Variants in DRC10 observed in about 807,000 individuals in gnomAD.
DRC10 encodes IQ domain-containing protein D.
chr12:113,216,071 T>G, the DRC10 span, among the ~76,000 whole-genome samples: 1 of 152,240 alleles, frequency 6.6e-6, no homozygotes, highest in South Asian at 2.1e-4. Context: ...ACAAAAAGCT[T>G]ATGGATATTT....
the DRC10 span, among the ~76,000 whole-genome samples, chr12:113,196,662 A>G: frequency 6.6e-6 from 1 of 152,178 alleles, no homozygotes; most frequent in African/African-American, 2.4e-5. Flanking sequence ...TCTGAAGAGC[A>G]CACCTGGCTT....
the DRC10 span, among the ~76,000 whole-genome samples, chr12:113,203,337 C>T: frequency 1.3e-5 from 2 of 151,480 alleles, no homozygotes; most frequent in African/African-American, 4.8e-5. Context: ...CCCTTCTTAA[C>T]AATTCTTCTA....
At chr12:113,220,320 A>G in the DRC10 span, among the ~76,000 whole-genome samples, 382 of 152,296 alleles carry the variant, frequency 2.5e-3, 2 homozygotes, top group Non-Finnish European at 2.6e-3. Flanking sequence ...CAATGGCGCT[A>G]TCTTGGCTTA....
the DRC10 span, among the ~76,000 whole-genome samples, chr12:113,211,663 G>T: frequency 1.3e-5 from 2 of 151,928 alleles, no homozygotes; most frequent in Non-Finnish European, 2.9e-5. Context: ...CAAACCAGAA[G>T]CCCCTTTGGG....
the DRC10 span, among the ~76,000 whole-genome samples, chr12:113,217,637 T>C: frequency 6.6e-6 from 1 of 152,192 alleles, no homozygotes; most frequent in Admixed American, 6.5e-5. Context: ...GTTCAAGCAA[T>C]TCTCGTGCCT....
At chr12:113,200,358 C>T in the DRC10 span, 1 of 685,518 alleles carries the variant, frequency 1.5e-6, no homozygotes, top group East Asian at 2.8e-5. Context: ...GTCCCCTGTC[C>T]CCAGGCCTGT....
the DRC10 span, among the ~76,000 whole-genome samples, chr12:113,202,379 C>T: frequency 6.6e-6 from 1 of 151,982 alleles, no homozygotes; most frequent in African/African-American, 2.4e-5. Flanking sequence ...AACCCAGCAC[C>T]AGGGAGGGGG....
chr12:113,217,864 T>C, the DRC10 span, among the ~76,000 whole-genome samples: 3 of 152,198 alleles, frequency 2.0e-5, no homozygotes, highest in African/African-American at 7.2e-5. Context: ...GGATAGTTCA[T>C]ATAAATGGGA....
At chr12:113,211,042 G>A in the DRC10 span, among the ~76,000 whole-genome samples, 1 of 152,122 alleles carries the variant, frequency 6.6e-6, no homozygotes, top group Admixed American at 6.6e-5. Context: ...CATTTGGAGG[G>A]GAGGACAATG....
At chr12:113,200,559 C>A in the DRC10 span, 2 of 1,370,748 alleles carry the variant, frequency 1.5e-6, no homozygotes, top group Admixed American at 2.0e-5. Flanking sequence ...CTCGGCCCAT[C>A]CTCGCTGCTT....
At chr12:113,203,991 A>C in the DRC10 span, among the ~76,000 whole-genome samples, 1 of 152,118 alleles carries the variant, frequency 6.6e-6, no homozygotes, top group South Asian at 2.1e-4. Flanking sequence ...CTGTAGTCAC[A>C]GCTACTTGGG....
the DRC10 span, among the ~76,000 whole-genome samples, chr12:113,196,664 A>G: frequency 6.6e-6 from 1 of 152,166 alleles, no homozygotes; most frequent in Non-Finnish European, 1.5e-5. Context: ...TGAAGAGCAC[A>G]CCTGGCTTTG....
At chr12:113,216,956 T>C in the DRC10 span, among the ~76,000 whole-genome samples, 2 of 151,992 alleles carry the variant, frequency 1.3e-5, no homozygotes, top group Non-Finnish European at 2.9e-5. Flanking sequence ...GCGCATGGTG[T>C]TGGGCACCTG....
the DRC10 span, among the ~76,000 whole-genome samples, chr12:113,217,003 C>T: frequency 3.2e-4 from 49 of 152,090 alleles, no homozygotes; most frequent in African/African-American, 1.1e-3. Flanking sequence ...GCAGGAGAAT[C>T]GCTTGAACCC....
At chr12:113,195,955 GC>G in the DRC10 span, 5 of 1,529,316 alleles carry the variant, frequency 3.3e-6, no homozygotes, top group Non-Finnish European at 4.4e-6. Context: ...CCTCCCTGAG[GC>G]CCCCTTACCC....
At chr12:113,216,183 A>T in the DRC10 span, among the ~76,000 whole-genome samples, 1 of 152,216 alleles carries the variant, frequency 6.6e-6, no homozygotes, top group Non-Finnish European at 1.5e-5. Flanking sequence ...GGAATACAGG[A>T]TTATTCAGTG....
chr12:113,213,952 C>A, the DRC10 span, among the ~76,000 whole-genome samples: 5 of 151,494 alleles, frequency 3.3e-5, no homozygotes, highest in African/African-American at 7.3e-5. Context: ...TCAAAAAAAA[C>A]AAAAACAAAA....
the DRC10 span, among the ~76,000 whole-genome samples, chr12:113,205,351 G>A: frequency 3.3e-5 from 5 of 151,680 alleles, no homozygotes; most frequent in Non-Finnish European, 5.9e-5. Flanking sequence ...TGGCCAACAC[G>A]GTGAAACCCC....
the DRC10 span, among the ~76,000 whole-genome samples, chr12:113,198,518 A>C: frequency 6.6e-6 from 1 of 152,248 alleles, no homozygotes; most frequent in Non-Finnish European, 1.5e-5. Flanking sequence ...TGCTAAGTAA[A>C]ACATGCCAGA....
Sources: allele counts gnomAD v4.1 joint callset (sites outside exome capture counted in the v4.1 genomes callset), GRCh38; gene constraint gnomAD v4.1.1; transcripts MANE v1.5; gene names NCBI Gene and HGNC (gene_info 2026-07-23, HGNC 2026-07-21).